KCNQ1: variants seen among roughly 807,000 people sequenced by gnomAD.
KCNQ1 encodes the protein potassium voltage-gated channel subfamily Q member 1, also known as potassium voltage-gated channel subfamily KQT member 1.
Under a neutral mutation model 72.4 loss-of-function variants are expected in KCNQ1, and 49 were observed. The observed-to-expected ratio is 0.68, with a 90% CI of 0.54 to 0.86. The LOEUF is 0.86. Among genes scored for constraint, KCNQ1 ranks in the 40% least tolerant of loss-of-function variants. The pLI, the probability that KCNQ1 is intolerant of heterozygous loss-of-function variation, is 0.00. For missense variants in KCNQ1, 790 were observed against 945.1 expected (o/e 0.84, Z 2.15); for synonymous variants, 450 against 412.6 (o/e 1.09, Z -1.10).
intron 1 of KCNQ1, among the ~76,000 whole-genome samples, chr11:2,514,704 T>C (rs1308693050): frequency 6.6e-6 from 1 of 152,224 alleles, no homozygotes. Flanking sequence ...CGGGCGCCTG[T>C]AGTCCCAGCT....
Position 2,600,023 on chromosome 11 carries a change from C to G in KCNQ1, c.1393+11169C>G, listed in dbSNP as rs1848778737. On this transcript the variant is annotated intron_variant, in intron 10 of 15. Transcript: ENST00000155840. The surrounding 1 kb of genome is among the most constrained non-coding windows in gnomAD (Gnocchi z 5.6). The stretch of plus-strand genomic sequence containing the variant: ...TTTGTCTGACCTTGAATTCCACAGG[C>G]AGGGTTCCTCTTTCCCGGCCGGCAT... 6.6e-6 allele frequency among the ~76,000 whole-genome samples: 1 copy of G among 152,206 alleles called. No homozygotes were observed.
intron 11 of KCNQ1, chr11:2,689,380 G>A: frequency 2.5e-6 from 1 of 398,718 alleles, no homozygotes; most frequent in Non-Finnish European, 4.4e-6. Context: ...GTGCTTGAGT[G>A]GGGTGGAAGA....
rs780003471 is a variant in KCNQ1 at position 2,653,160 on chromosome 11, C to A, written c.1394-8801C>A. 4.0e-5 allele frequency: 16 copies of A among 398,646 alleles called. No homozygotes were observed. Among genetic ancestry groups the A allele is most frequent in the Non-Finnish European group, 3.1e-5 (7 of 226,140 alleles). 24.7% of individuals were successfully genotyped at this position (398,646 alleles called of 1,614,324 possible). A position where few individuals can be genotyped will look rare whatever the true frequency, so the allele number is the denominator to read the frequency against. Reference sequence around the variant, plus strand: ...CAGCAGTAGAAAGCCAATGTCCCACCTTAGGAAATCCCTTTCCAAGAGTTC... The same window carrying A: ...CAGCAGTAGAAAGCCAATGTCCCACATTAGGAAATCCCTTTCCAAGAGTTC... On this transcript the variant is annotated intron_variant, in intron 10 of 15. Transcript: ENST00000155840. This position sits in a 1 kb window ranked among gnomAD's most constrained non-coding sequence, Gnocchi z 5.3.
chr11:2,692,276 T>C, intron 11 of KCNQ1: 1 of 398,978 alleles, frequency 2.5e-6, no homozygotes, highest in East Asian at 3.6e-5. Context: ...CACCCATCCA[T>C]AGTTCTAGAG....
chr11:2,793,228 G>A (rs1847065802), intron 15 of KCNQ1, among the ~76,000 whole-genome samples: 1 of 152,230 alleles, frequency 6.6e-6, no homozygotes, highest in Admixed American at 6.5e-5. Context: ...CTCTGTGATA[G>A]CCCCTCTTAC....
chr11:2,618,750 TTCAA>T (rs1849114108), intron 10 of KCNQ1: 1 of 398,434 alleles, frequency 2.5e-6, no homozygotes, highest in Admixed American at 4.4e-5. Flanking sequence ...AGGGATTTTA[TTCAA>T]TCTGTATATT....
intron 10 of KCNQ1, chr11:2,646,417 A>G: frequency 2.5e-6 from 1 of 398,498 alleles, no homozygotes; most frequent in Non-Finnish European, 4.4e-6. Flanking sequence ...GAAATCTTTC[A>G]CCTCCTTGGT....
At chr11:2,512,055 C>T (rs1050689632) in intron 1 of KCNQ1, among the ~76,000 whole-genome samples, 5 of 152,216 alleles carry the variant, frequency 3.3e-5, no homozygotes, top group South Asian at 4.1e-4. Context: ...GCTGCGCTGT[C>T]GGGCTCGGCG....
At chr11:2,718,116 G>T (rs567472299) in intron 11 of KCNQ1, among the ~76,000 whole-genome samples, 18 of 152,208 alleles carry the variant, frequency 1.2e-4, no homozygotes, top group Admixed American at 9.8e-4. Flanking sequence ...GCCCCGTCCT[G>T]GCTTAAACAC....
intron 11 of KCNQ1, among the ~76,000 whole-genome samples, chr11:2,722,600 A>G (rs1300156249): frequency 1.3e-5 from 2 of 152,142 alleles, no homozygotes; most frequent in African/African-American, 4.8e-5. Context: ...GTTTGGCCAC[A>G]TGGAGGTCCT....
chr11:2,790,350 C>T (rs553751807), intron 15 of KCNQ1, among the ~76,000 whole-genome samples: 1 of 152,314 alleles, frequency 6.6e-6, no homozygotes, highest in South Asian at 2.1e-4. Flanking sequence ...TGGCCCAGCA[C>T]CTACTGAGAC....
At chr11:2,467,138 G>A (rs1846363522) in intron 1 of KCNQ1, among the ~76,000 whole-genome samples, 1 of 152,020 alleles carries the variant, frequency 6.6e-6, no homozygotes, top group Non-Finnish European at 1.5e-5. Context: ...TTGGTCAGCA[G>A]GTCCGAGGGC....
rs1003993859 is a variant in KCNQ1, at chr11:2,464,987, G to A, written c.386+19503G>A. On this transcript the variant is annotated intron_variant, in intron 1 of 15. Transcript: ENST00000155840. This position sits in a 1 kb window ranked among gnomAD's most constrained non-coding sequence, Gnocchi z 5.0. Reference sequence around the variant, plus strand: ...TCCAGTGCAGGGAGCTGCCCCGGCCGCCCCCGTGGGTGCAGGCCATGGGCT... The same window carrying A: ...TCCAGTGCAGGGAGCTGCCCCGGCCACCCCCGTGGGTGCAGGCCATGGGCT... 2.6e-5 allele frequency among the ~76,000 whole-genome samples: 4 copies of A among 152,064 alleles called. No individual in the cohort carries two copies. The highest frequency in any genetic ancestry group is 4.4e-5 in the Non-Finnish European group (3 of 68,002).
rs1847149704 is a variant in KCNQ1 at position 2,508,999 on chromosome 11, CAG to C, written c.387-18926_387-18925del. ...GGGCACAGCCCTGGGCAAGGGTGTG[CAG>C]AGTCTGCATGGGATTTGACTGAGCA... On this transcript the variant is annotated intron_variant, in intron 1 of 15. Transcript: ENST00000155840. The surrounding 1 kb of genome is among the most constrained non-coding windows in gnomAD (Gnocchi z 6.2). Among the ~76,000 whole-genome samples, 1 of 152,212 alleles carries C rather than the reference CAG, an allele frequency of 6.6e-6. No individual in the cohort carries two copies. The highest frequency in any genetic ancestry group is 1.5e-5 in the Non-Finnish European group (1 of 68,044).
chr11:2,582,550 G>A (rs1473634797), intron 6 of KCNQ1, among the ~76,000 whole-genome samples: 10 of 152,216 alleles, frequency 6.6e-5, no homozygotes, highest in African/African-American at 2.4e-4. Context: ...TAAATGCTGT[G>A]CTGTCCTGAG....
At chr11:2,838,914 C>G (rs1388165938) in intron 15 of KCNQ1, among the ~76,000 whole-genome samples, 1 of 151,918 alleles carries the variant, frequency 6.6e-6, no homozygotes, top group African/African-American at 2.4e-5. Flanking sequence ...ACCGCCAGCA[C>G]AAACACGGCT....
chr11:2,526,672 G>A lies in KCNQ1; in HGVS notation c.387-1256G>A, dbSNP rs1305487373. 6.6e-6 allele frequency among the ~76,000 whole-genome samples: 1 copy of A among 151,682 alleles called. No homozygotes were observed. The highest frequency in any genetic ancestry group is 2.0e-4 in the East Asian group (1 of 5,120). ...TGTTTGTTGTGGGCTCTGGGGGCCT[G>A]GGGAGGGTGGGCTGGGCTGTCCACA... On this transcript the variant is annotated intron_variant, in intron 1 of 15. Coordinates refer to ENST00000155840, the MANE Select transcript of KCNQ1 (RefSeq NM_000218.3). This position sits in a 1 kb window ranked among gnomAD's most constrained non-coding sequence, Gnocchi z 6.1.
At chr11:2,721,456 C>T (rs569439384) in intron 11 of KCNQ1, among the ~76,000 whole-genome samples, 22 of 152,374 alleles carry the variant, frequency 1.4e-4, no homozygotes, top group African/African-American at 5.3e-4. Flanking sequence ...AAATTGCTGT[C>T]TCCAGCTCGC....
chr11:2,788,144 C>A (rs2521916), intron 15 of KCNQ1, among the ~76,000 whole-genome samples: 1 of 152,002 alleles, frequency 6.6e-6, no homozygotes, highest in Non-Finnish European at 1.5e-5. Flanking sequence ...ATGGCCCCAG[C>A]GCCCCTCTCC....
Sources: allele counts gnomAD v4.1 joint callset (sites outside exome capture counted in the v4.1 genomes callset), GRCh38; gene constraint gnomAD v4.1.1; non-coding constraint Gnocchi (gnomAD v3.1); transcripts MANE v1.5; gene names NCBI Gene and HGNC (gene_info 2026-07-23, HGNC 2026-07-21).